The following SPATA22 variants were observed in gnomAD, a reference collection of about 807,000 sequenced individuals.
SPATA22 encodes the protein spermatogenesis-associated protein 22.
In SPATA22, 29 loss-of-function variants were observed where a neutral mutation model predicts 47.8. The ratio of observed to expected loss-of-function variants is 0.61; its 90% CI spans 0.45 to 0.83. The LOEUF (loss-of-function observed/expected upper bound fraction) is 0.83, where lower values mean the gene tolerates loss of function less well. Among genes scored for constraint, SPATA22 ranks in the 40% least tolerant of loss-of-function variants. SPATA22 has a pLI of 0.00. For synonymous variants in SPATA22, 133 were observed against 140.9 expected, an observed-to-expected ratio of 0.94 and a Z score of 0.40; for missense variants, 410 against 421.7, an observed-to-expected ratio of 0.97 and a Z score of 0.24.
Position 3,464,883 on chromosome 17 carries a change from G to T in SPATA22, c.173-2116C>A, listed in dbSNP as rs1397423640. Among the ~76,000 whole-genome samples, 7 of 102,608 alleles carry T rather than the reference G, an allele frequency of 6.8e-5. 2 individuals carry two copies. The highest frequency in any genetic ancestry group is 2.1e-4 in the African/African-American group (7 of 33,484). 67.3% of individuals were successfully genotyped at this position (102,608 alleles called of 152,430 possible). A position where few individuals can be genotyped will look rare whatever the true frequency, so the allele number is the denominator to read the frequency against. Reference sequence around the variant, plus strand: ...GCCCGGCAGCCACCCCGTCTGGGAGGGGGGTGGGGGGGGGTCAGCCCCCCA... The same window carrying T: ...GCCCGGCAGCCACCCCGTCTGGGAGTGGGGTGGGGGGGGGTCAGCCCCCCA... On this transcript the variant is annotated intron_variant, in intron 3 of 8. Transcript: ENST00000572969.
rs202161187 is a variant in SPATA22, at chr17:3,440,254, C to T, written c.985G>A (p.Val329Ile). Residue 329 changes from valine to isoleucine, a missense_variant, in exon 9 of 9, where the codon GTT becomes ATT. By Grantham distance (29) the Val-to-Ile change is conservative (BLOSUM62 3). Coordinates refer to ENST00000572969, the MANE Select transcript of SPATA22 (RefSeq NM_001170698.2). ...GAAACAGACGCCGGTCTGACAGAAACACATTGGAAAATGTTCTTTTTCTGG... is the reference window on the plus strand; with the variant it reads ...GAAACAGACGCCGGTCTGACAGAAATACATTGGAAAATGTTCTTTTTCTGG... ...YDQKKNIFQC[V>I]SVRPASVSEQ... 6.2e-7 allele frequency: 1 copy of T among 1,611,610 alleles called. No homozygotes were observed. Among genetic ancestry groups the T allele is most frequent in the Non-Finnish European group, 8.5e-7 (1 of 1,178,654 alleles).
intron 1 of SPATA22, chr17:3,512,101 C>T (rs1002066139): frequency 6.6e-6 from 1 of 152,234 alleles, no homozygotes; most frequent in East Asian, 1.9e-4. Flanking sequence ...TTAAACATCT[C>T]CAACATCTGG....
At chr17:3,511,897 A>G (rs2074118238) in intron 1 of SPATA22, 2 of 152,320 alleles carry the variant, frequency 1.3e-5, no homozygotes, top group South Asian at 2.1e-4. Flanking sequence ...TCCCAGCTCC[A>G]TAGTGTGGAG....
chr17:3,476,382 C>A (rs770672838), upstream of SPATA22: 1 of 1,613,798 alleles, frequency 6.2e-7, no homozygotes, highest in Non-Finnish European at 8.5e-7. Context: ...CATTTTTGAC[C>A]TTGAAAATCT....
At chr17:3,483,581 A>G (rs1416785705) in intron 1 of SPATA22, 1 of 1,613,138 alleles carries the variant, frequency 6.2e-7, no homozygotes, top group Non-Finnish European at 8.5e-7. Flanking sequence ...TCCATAGCCA[A>G]GTATCCTGTG....
At chr17:3,458,799 C>T (rs1241777520) in intron 5 of SPATA22, among the ~76,000 whole-genome samples, 2 of 128,584 alleles carry the variant, frequency 1.6e-5, no homozygotes, top group Non-Finnish European at 3.2e-5. Context: ...CAAGACCACA[C>T]CATTGCACTC....
At chr17:3,449,388 C>CTCACAAGTCTA (rs1273366582) in intron 5 of SPATA22, among the ~76,000 whole-genome samples, 1 of 152,144 alleles carries the variant, frequency 6.6e-6, no homozygotes, top group Non-Finnish European at 1.5e-5. Flanking sequence ...CAGGAAATTA[C>CTCACAAGTCTA]TCACAAGTCT....
rs541801170 is a variant in SPATA22, at chr17:3,506,232, CAGAG to C, written c.-74+7176_-74+7179del. ...CAAGCCGATGACTGAGAGGGTCACT[CAGAG>C]AGGACTTCGCCCAGGGCTGCCCCAT... is the stretch of plus-strand genomic sequence containing the variant. On this transcript the variant is annotated intron_variant, in intron 1 of 8. Transcript: ENST00000541913. 2.0e-4 allele frequency among the ~76,000 whole-genome samples: 31 copies of C among 152,308 alleles called. No individual in the cohort carries two copies. The South Asian group carries it at 6.2e-3, about 31-fold the overall frequency.
intron 1 of SPATA22, among the ~76,000 whole-genome samples, chr17:3,509,057 T>C (rs936714029): frequency 6.6e-5 from 10 of 152,094 alleles, no homozygotes; most frequent in African/African-American, 1.9e-4. Flanking sequence ...TATTCTCTCA[T>C]TGCCTCCTTG....
At chr17:3,449,267 AACT>A in intron 5 of SPATA22, 118 bp from the exon 6 acceptor site, 2 of 696,420 alleles carry the variant, frequency 2.9e-6, no homozygotes, top group South Asian at 4.2e-5. Context: ...CTTTATAACT[AACT>A]ACTGAGAAAT....
chr17:3,513,636 C>G (rs749146584), exon 1 of SPATA22: 44 of 336,860 alleles, frequency 1.3e-4, no homozygotes, highest in Admixed American at 2.2e-4. Context: ...CCAGAGGCTT[C>G]ACCCGGGACT....
intron 1 of SPATA22, among the ~76,000 whole-genome samples, chr17:3,505,618 A>C (rs2074033142): frequency 6.6e-6 from 1 of 152,198 alleles, no homozygotes; most frequent in South Asian, 2.1e-4. Context: ...GACCAGGGAG[A>C]GAGGCCTATA....
intron 1 of SPATA22, among the ~76,000 whole-genome samples, chr17:3,487,944 C>A (rs984246884): frequency 6.6e-6 from 1 of 152,164 alleles, no homozygotes; most frequent in African/African-American, 2.4e-5. Flanking sequence ...CAGATGCATA[C>A]CTTAGCCACA....
rs1056846351 is a variant in SPATA22, at chr17:3,477,319, T to C, written c.-73-7921A>G. Among the ~76,000 whole-genome samples, 4 of 152,354 alleles carry C rather than the reference T, an allele frequency of 2.6e-5. No homozygotes were observed. In the South Asian group the frequency reaches 6.2e-4, roughly 24 times the overall value. ...GAGCTTATATTTTGCTGATTTGTAA[T>C]ATATTGCATACAACGTAAGCAGTCA... On this transcript the variant is annotated intron_variant, in intron 1 of 8. Coordinates refer to the SPATA22 transcript ENST00000541913.
chr17:3,471,912 G>C (rs147471461), upstream of SPATA22: 1 of 960,338 alleles, frequency 1.0e-6, no homozygotes, highest in Non-Finnish European at 1.2e-6. Context: ...GCCCTTGGCC[G>C]GGCGCGATGA....
chr17:3,498,951 A>ACG, intron 1 of SPATA22: 1 of 1,613,068 alleles, frequency 6.2e-7, no homozygotes, highest in Non-Finnish European at 8.5e-7. Context: ...TGATGGGAAG[A>ACG]CGATCCCACT....
chr17:3,492,609 C>G (rs1281659223), intron 1 of SPATA22, among the ~76,000 whole-genome samples: 1 of 152,212 alleles, frequency 6.6e-6, no homozygotes, highest in Non-Finnish European at 1.5e-5. Flanking sequence ...AAAGCACTTG[C>G]ACATTGGAGC....
intron 5 of SPATA22, among the ~76,000 whole-genome samples, chr17:3,460,545 T>C (rs62089865): frequency 0.33 from 49,994 of 151,836 alleles, 10,551 homozygotes; most frequent in Non-Finnish European, 0.48. Context: ...TCCCAGCACT[T>C]TGGGAGGCTG....
intron 1 of SPATA22, chr17:3,471,473 TG>T: frequency 1.0e-6 from 1 of 985,380 alleles, no homozygotes; most frequent in Middle Eastern, 5.2e-4. Flanking sequence ...GCGTTAGTAA[TG>T]GGGTTGGTGG....
Sources: gnomAD v4.1 joint callset for allele counts (sites outside exome capture counted in the v4.1 genomes callset) on GRCh38, gnomAD v4.1.1 for gene constraint, MANE v1.5 for transcripts, NCBI Gene and HGNC (gene_info 2026-07-23, HGNC 2026-07-21) for gene names.